Variants in DOP1A observed in about 807,000 individuals in gnomAD.
DOP1A encodes the protein protein DOP1A.
Under a neutral mutation model 267.6 loss-of-function variants are expected in DOP1A, and 90 were observed. The ratio of observed to expected loss-of-function variants is 0.34; its 90% CI spans 0.28 to 0.40. The LOEUF (loss-of-function observed/expected upper bound fraction) is 0.40, where lower values mean the gene tolerates loss of function less well. Among genes scored for constraint, DOP1A ranks in the 10% least tolerant of loss-of-function variants. The pLI, the probability that DOP1A is intolerant of heterozygous loss-of-function variation, is 1.00. For synonymous variants in DOP1A, 932 were observed against 999.1 expected, an observed-to-expected ratio of 0.93 and a Z score of 1.27; for missense variants, 2,437 against 2,900.4, an observed-to-expected ratio of 0.84 and a Z score of 3.67.
intron 4 of DOP1A, among the ~76,000 whole-genome samples, chr6:83,107,465 C>T (rs1214965069): frequency 6.6e-6 from 1 of 152,138 alleles, no homozygotes; most frequent in Non-Finnish European, 1.5e-5. Context: ...AGAGAGATTC[C>T]TAATTCATTT....
intron 38 of DOP1A, chr6:83,166,222 A>ACGAC: frequency 2.0e-6 from 1 of 507,814 alleles, no homozygotes; most frequent in Middle Eastern, 3.2e-4. Flanking sequence ...CAAATGCCGA[A>ACGAC]CGACCATAAA....
chr6:83,153,662 C>A, intron 31 of DOP1A, 42 bp downstream of exon 31: 1 of 1,460,124 alleles, frequency 6.8e-7, no homozygotes, highest in Non-Finnish European at 9.3e-7. Flanking sequence ...TAATTCATAG[C>A]CTGTTAGAAA....
Position 83,156,067 on chromosome 6 carries a change from A to G in DOP1A, c.6568A>G (p.Ile2190Val), listed in dbSNP as rs1294808687. Residue 2190 changes from isoleucine to valine, a missense_variant, in exon 34 of 39, where the codon ATT becomes GTT. Coordinates refer to ENST00000349129, the MANE Select transcript of DOP1A (RefSeq NM_015018.4). ...AGCATTTGCTATTTTTAGCAGTGAA[A>G]TTGACCAGTACCAGAAATATCTTCC... ...RLAFAIFSSEIDQYQKYLPDI... is the reference protein window; with the variant it reads ...RLAFAIFSSEVDQYQKYLPDI... The G allele has an allele frequency of 6.2e-7, 1 of 1,613,894 alleles. No individual in the cohort carries two copies. Among genetic ancestry groups the G allele is most frequent in the Admixed American group, 1.7e-5 (1 of 60,016 alleles).
At chr6:83,068,756 GTAAC>G (rs1461285609) in intron 1 of DOP1A, among the ~76,000 whole-genome samples, 1 of 152,230 alleles carries the variant, frequency 6.6e-6, no homozygotes, top group African/African-American at 2.4e-5. Context: ...TATGTGCTAA[GTAAC>G]TCACCACCTG....
intron 1 of DOP1A, among the ~76,000 whole-genome samples, chr6:83,091,240 G>A (rs1489770732): frequency 6.6e-6 from 1 of 152,042 alleles, no homozygotes; most frequent in East Asian, 1.9e-4. Flanking sequence ...CCCTCCCACA[G>A]CACATGGGAA....
rs1776237136 is a variant in DOP1A at position 83,120,796 on chromosome 6, T to C, written c.1099+5T>C. 6.4e-7 allele frequency: 1 copy of C among 1,556,260 alleles called. No individual in the cohort carries two copies. The highest frequency in any genetic ancestry group is 8.8e-7 in the Non-Finnish European group (1 of 1,139,102). ...TACTGGACAAACCTGAGCTAGGTAA[T>C]GTATACTGTCCTAGGGCATAAGGTC... On this transcript the variant is annotated splice_donor_5th_base_variant and intron_variant, in intron 10 of 38. Coordinates refer to ENST00000349129, the MANE Select transcript of DOP1A (RefSeq NM_015018.4).
chr6:83,080,928 A>G (rs1452824353), intron 1 of DOP1A, among the ~76,000 whole-genome samples: 1 of 152,214 alleles, frequency 6.6e-6, no homozygotes, highest in African/African-American at 2.4e-5. Context: ...TGGAACCACA[A>G]AAGACCCCAA....
At chr6:83,141,590 A>G (rs562037766) in intron 23 of DOP1A, among the ~76,000 whole-genome samples, 2 of 152,362 alleles carry the variant, frequency 1.3e-5, no homozygotes, top group East Asian at 1.9e-4. Flanking sequence ...AAGGTGTTTT[A>G]TAATTATAGA....
intron 34 of DOP1A, 53 bp downstream of exon 34, chr6:83,156,156 TTA>T (rs1191973904): frequency 6.2e-6 from 9 of 1,456,142 alleles, no homozygotes; most frequent in Non-Finnish European, 8.4e-6. Context: ...TTTTGGTTCC[TTA>T]GAAAATACTT....
At chr6:83,082,888 C>A (rs9294270) in intron 1 of DOP1A, among the ~76,000 whole-genome samples, 137,127 of 151,466 alleles carry the variant, frequency 0.91, 62,091 homozygotes, top group East Asian at 0.96. Context: ...ACTCACTGCA[C>A]CCTCTGCCTC....
Position 83,158,201 on chromosome 6 carries a change from G to C in DOP1A, c.6742-366G>C, listed in dbSNP as rs531399969. Among the ~76,000 whole-genome samples, 12 of 151,992 alleles carry C rather than the reference G, an allele frequency of 7.9e-5. No homozygotes were observed. The South Asian group carries it at 1.2e-3, about 16-fold the overall frequency. ...TATTTTTAGTAAAGACGGGGTTTCA[G>C]CATGTTAGCCAGGATGGTCTCGATC... is the stretch of plus-strand genomic sequence containing the variant. On this transcript the variant is annotated intron_variant, in intron 35 of 38. Coordinates refer to ENST00000349129, the MANE Select transcript of DOP1A (RefSeq NM_015018.4).
At chr6:83,101,603 C>G (rs1449073573) in intron 4 of DOP1A, among the ~76,000 whole-genome samples, 1 of 152,200 alleles carries the variant, frequency 6.6e-6, no homozygotes, top group Non-Finnish European at 1.5e-5. Context: ...TACTCTTTCT[C>G]AGTCTCCTTT....
At position 83,077,976 on chromosome 6, in the gene DOP1A, A is replaced by T. The variant is rs142391239; in HGVS notation, c.-147+10197A>T. Reference sequence around the variant, plus strand: ...TGGGTTGGACAAGCTTATTCTGAATATTGAAAAAGATACTGATTTAAAAAT... The same window carrying T: ...TGGGTTGGACAAGCTTATTCTGAATTTTGAAAAAGATACTGATTTAAAAAT... On this transcript the variant is annotated intron_variant, in intron 1 of 38. Coordinates refer to ENST00000349129, the MANE Select transcript of DOP1A (RefSeq NM_015018.4). 1.6e-4 allele frequency among the ~76,000 whole-genome samples: 24 copies of T among 152,368 alleles called. 1 individual carries two copies. The highest frequency in any genetic ancestry group is 5.8e-4 in the African/African-American group (24 of 41,604).
At chr6:83,081,834 T>C (rs1562271547) in intron 1 of DOP1A, among the ~76,000 whole-genome samples, 1 of 152,062 alleles carries the variant, frequency 6.6e-6, no homozygotes. Context: ...AGGAACTCAA[T>C]AGCAAGTAAA....
chr6:83,084,336 G>A (rs1768683029), intron 1 of DOP1A, among the ~76,000 whole-genome samples: 1 of 152,012 alleles, frequency 6.6e-6, no homozygotes, highest in South Asian at 2.1e-4. Context: ...TAGCCAGGAT[G>A]TGTAGTAGGG....
At chr6:83,069,209 G>A (rs556129655) in intron 1 of DOP1A, among the ~76,000 whole-genome samples, 1 of 152,210 alleles carries the variant, frequency 6.6e-6, no homozygotes, top group East Asian at 1.9e-4. Flanking sequence ...AAAGACCAGG[G>A]TTTTCCAAAC....
In DOP1A at chr6:83,100,841, A is replaced by G; in HGVS notation, c.275A>G (p.Lys92Arg). ...CTTGAAACATATGAAATTATCTTCA[A>G]AATAATTGGACCTAAGCGACTTGCC... ...KALETYEIIF[K>R]IIGPKRLAKD... Residue 92 changes from lysine (K) to arginine (R), a missense_variant, in exon 4 of 39, where the codon AAA (lysine) becomes AGA (arginine). Around this residue, in one of 9 missense-constraint regions of DOP1A, gnomAD observed 251 missense variants for 359.1 expected, o/e 0.70. Coordinates refer to ENST00000349129, the MANE Select transcript of DOP1A (RefSeq NM_015018.4). 3.2e-6 allele frequency: 5 copies of G among 1,582,278 alleles called. No individual in the cohort carries two copies. Among genetic ancestry groups the G allele is most frequent in the Non-Finnish European group, 4.3e-6 (5 of 1,162,626 alleles).
At chr6:83,091,748 A>G (rs951068954) in intron 1 of DOP1A, among the ~76,000 whole-genome samples, 1 of 152,186 alleles carries the variant, frequency 6.6e-6, no homozygotes, top group African/African-American at 2.4e-5. Flanking sequence ...TGAATATTAT[A>G]TGTCTTCAAA....
intron 7 of DOP1A, among the ~76,000 whole-genome samples, chr6:83,117,249 C>T (rs370352957): frequency 4.0e-5 from 6 of 151,730 alleles, no homozygotes; most frequent in African/African-American, 7.3e-5. Flanking sequence ...CTCCAGGGTT[C>T]GAGTGATTCT....
Sources: gnomAD v4.1 joint callset for allele counts (sites outside exome capture counted in the v4.1 genomes callset) on GRCh38, gnomAD v4.1.1 for gene constraint, gnomAD v4.1.1 regional missense constraint, MANE v1.5 for transcripts, NCBI Gene and HGNC (gene_info 2026-07-23, HGNC 2026-07-21) for gene names.